GRIP1: variants seen among roughly 807,000 people sequenced by gnomAD.
GRIP1 encodes the protein glutamate receptor interacting protein 1, also known as glutamate receptor-interacting protein 1.
GRIP1 carries 45 observed loss-of-function variants against 129.9 expected under a neutral mutation model. The ratio of observed to expected loss-of-function variants is 0.35; its 90% CI spans 0.27 to 0.44. The LOEUF is 0.44. Ranked by LOEUF, GRIP1 falls within the 20% of genes least tolerant of loss-of-function variation. GRIP1 has a pLI of 1.00. For missense variants in GRIP1, 1,196 were observed against 1,396.8 expected (o/e 0.86, Z 2.29); for synonymous variants, 530 against 520.8 (o/e 1.02, Z -0.24).
chr12:66,964,736 A>G (rs1462909723), intron 1 of GRIP1, among the ~76,000 whole-genome samples: 2 of 152,200 alleles, frequency 1.3e-5, no homozygotes, highest in Admixed American at 6.6e-5. Context: ...TCTGGTTGCC[A>G]TAACAAATTA....
chr12:66,935,311 T>C (rs1465616665), intron 1 of GRIP1, among the ~76,000 whole-genome samples: 1 of 152,164 alleles, frequency 6.6e-6, no homozygotes, highest in Non-Finnish European at 1.5e-5. Context: ...TCTAAATTGA[T>C]AGAAGTCTCC....
chr12:66,878,320 T>A (rs985857590), intron 1 of GRIP1, among the ~76,000 whole-genome samples: 14 of 152,074 alleles, frequency 9.2e-5, no homozygotes, highest in African/African-American at 3.4e-4. Flanking sequence ...AGAAGACTTA[T>A]TTCAACTAGG....
At chr12:66,716,006 A>C (rs1435846407) in intron 1 of GRIP1, among the ~76,000 whole-genome samples, 2 of 151,966 alleles carry the variant, frequency 1.3e-5, no homozygotes, top group South Asian at 2.1e-4. Flanking sequence ...ATTTCTGCTA[A>C]GGAAGATTTG....
At chr12:66,613,742 C>A (rs1006481359) in intron 1 of GRIP1, among the ~76,000 whole-genome samples, 8 of 152,136 alleles carry the variant, frequency 5.3e-5, no homozygotes, top group Non-Finnish European at 1.0e-4. Flanking sequence ...CTGGCCAGGG[C>A]AAATCGATTT....
Position 66,669,104 on chromosome 12 carries a change from G to A in GRIP1, c.55+9746C>T, listed in dbSNP as rs1025071718. ...CAAATGTGTGGGATTGGTTAAGCCC[G>A]GAGATCTTTAAAAATTGACATCATT... On this transcript the variant is annotated intron_variant, in intron 1 of 24. Coordinates refer to ENST00000359742, the MANE Select transcript of GRIP1 (RefSeq NM_001366722.1). Among the ~76,000 whole-genome samples, 13 of 152,104 alleles carry A rather than the reference G, an allele frequency of 8.5e-5. No individual in the cohort carries two copies. The East Asian group carries it at 9.7e-4, about 11-fold the overall frequency.
chr12:66,352,840 C>A (rs1395305367), intron 24 of GRIP1, among the ~76,000 whole-genome samples: 1 of 152,120 alleles, frequency 6.6e-6, no homozygotes, highest in Non-Finnish European at 1.5e-5. Context: ...TGGAAGGCAC[C>A]TGTAATCCCA....
chr12:66,869,455 T>C (rs181564241), intron 1 of GRIP1, among the ~76,000 whole-genome samples: 183 of 152,180 alleles, frequency 1.2e-3, no homozygotes, highest in Non-Finnish European at 2.0e-3. Context: ...GAATCAAAGA[T>C]AAAAGTATAA....
chr12:66,966,042 T>TA (rs1169305799), intron 1 of GRIP1, among the ~76,000 whole-genome samples: 3 of 152,198 alleles, frequency 2.0e-5, no homozygotes, highest in Non-Finnish European at 4.4e-5. Context: ...TAGCAGGTTG[T>TA]AAAAAGACAA....
chr12:66,465,660 G>C (rs1399530940), intron 7 of GRIP1, among the ~76,000 whole-genome samples: 1 of 152,156 alleles, frequency 6.6e-6, no homozygotes, highest in East Asian at 1.9e-4. Context: ...TCTCTTCAAT[G>C]AGATTTTAAG....
intron 1 of GRIP1, among the ~76,000 whole-genome samples, chr12:66,756,926 C>A (rs556016148): frequency 2.9e-4 from 44 of 152,228 alleles, no homozygotes; most frequent in African/African-American, 1.0e-3. Context: ...TCCATCTAAA[C>A]CCTATGTGCC....
chr12:66,392,438 C>T lies in GRIP1; in HGVS notation c.2334G>A (p.Val778=), dbSNP rs753920435. 1.2e-6 allele frequency: 2 copies of T among 1,614,106 alleles called. No homozygotes were observed. Among genetic ancestry groups the T allele is most frequent in the South Asian group, 2.2e-5 (2 of 91,066 alleles). The change falls in exon 19 of 25, where the codon GTG becomes GTA. Residue 778 remains valine, a synonymous_variant. Coordinates refer to ENST00000359742, the MANE Select transcript of GRIP1 (RefSeq NM_001366722.1). ...TCTGTGCTGGTGAGGAGTCCTCCTC[C>T]ACATCCCCCAGGTCACTCAAATGGC... ...ISSHLSDLGD[V]EEDSSPAQKP...
In GRIP1 at chr12:66,451,383, G is replaced by GTTTTTTTTTTT. The variant is rs1169331519; in HGVS notation, c.1354+4015_1354+4025dup. Among the ~76,000 whole-genome samples, 40 of 42,656 alleles carry GTTTTTTTTTTT rather than the reference G, an allele frequency of 9.4e-4. 11 individuals are homozygous for GTTTTTTTTTTT. Among genetic ancestry groups the GTTTTTTTTTTT allele is most frequent in the East Asian group, 1.3e-3 (2 of 1,498 alleles). The allele number at this position is 42,656 out of a possible 152,430, so 28.0% of individuals were successfully genotyped here. ...CCCCAAAGATTTATTATTATAATCTGTTTTTTTTTTTTTTTTTTTTTTTTT... is the reference window on the plus strand; with the variant it reads ...CCCCAAAGATTTATTATTATAATCTGTTTTTTTTTTTTTTTTTTTTTTTTTTTTTTTTTTTT... On this transcript the variant is annotated intron_variant, in intron 11 of 24. Transcript: ENST00000359742.
rs190415111 is a variant in GRIP1, at chr12:67,049,958, G to A, written c.58+19092C>T. On this transcript the variant is annotated intron_variant, in intron 1 of 1. Coordinates refer to the GRIP1 transcript ENST00000643019. ...ATTGGCATTTCTTTGCATTTTTTGCGTATTTGAATTTCTTTTTTTTTTTTT... is the reference window on the plus strand; with the variant it reads ...ATTGGCATTTCTTTGCATTTTTTGCATATTTGAATTTCTTTTTTTTTTTTT... Among the ~76,000 whole-genome samples, 79 of 145,778 alleles carry A rather than the reference G, an allele frequency of 5.4e-4. 1 individual carries two copies. Among genetic ancestry groups the A allele is most frequent in the East Asian group, 2.0e-3 (10 of 5,022 alleles).
intron 1 of GRIP1, among the ~76,000 whole-genome samples, chr12:66,755,834 T>C (rs952372117): frequency 6.6e-6 from 1 of 152,170 alleles, no homozygotes; most frequent in Non-Finnish European, 1.5e-5. Flanking sequence ...ATAAATGCCC[T>C]CACCTCTCTT....
chr12:66,826,812 T>G (rs2039421660), intron 1 of GRIP1, among the ~76,000 whole-genome samples: 1 of 151,930 alleles, frequency 6.6e-6, no homozygotes, highest in East Asian at 1.9e-4. Flanking sequence ...GGAAGAATTC[T>G]CACATCCTAA....
chr12:66,599,132 T>A (rs2064174284), intron 1 of GRIP1, among the ~76,000 whole-genome samples: 1 of 152,112 alleles, frequency 6.6e-6, no homozygotes, highest in Admixed American at 6.6e-5. Context: ...CTGGCCAGCC[T>A]CTCCATCACC....
intron 1 of GRIP1, among the ~76,000 whole-genome samples, chr12:66,885,641 C>T (rs1479877936): frequency 2.0e-5 from 3 of 152,032 alleles, no homozygotes; most frequent in Non-Finnish European, 2.9e-5. Flanking sequence ...TGCCTGAAGA[C>T]CAGGTGGGAT....
intron 15 of GRIP1, among the ~76,000 whole-genome samples, chr12:66,407,237 ACCTCCT>A (rs151195369): frequency 0.035 from 5,339 of 151,874 alleles, 309 homozygotes; most frequent in African/African-American, 0.12. Context: ...GACCCTCCCC[ACCTCCT>A]GCCTGTAGCT....
At chr12:66,906,601 T>C (rs2040937190) in intron 1 of GRIP1, among the ~76,000 whole-genome samples, 2 of 152,132 alleles carry the variant, frequency 1.3e-5, no homozygotes, top group South Asian at 2.1e-4. Context: ...CTCTCAAGCA[T>C]ATGCACTCTG....
Sources: allele counts gnomAD v4.1 joint callset (sites outside exome capture counted in the v4.1 genomes callset), GRCh38; gene constraint gnomAD v4.1.1; transcripts MANE v1.5; gene names NCBI Gene and HGNC (gene_info 2026-07-23, HGNC 2026-07-21).